The following RHEX variants were observed in gnomAD, a reference collection of about 807,000 sequenced individuals.
RHEX encodes regulator of hemoglobinization and erythroid cell expansion protein.
RHEX carries 18 observed loss-of-function variants against 20.1 expected under a neutral mutation model. That is an observed-to-expected ratio of 0.90 (90% CI 0.62 to 1.33). The LOEUF (loss-of-function observed/expected upper bound fraction) is 1.33, where lower values mean the gene tolerates loss of function less well. RHEX is among the 40% of genes most tolerant of loss of function. The pLI is 0.00. For missense variants in RHEX, 192 were observed against 214.3 expected (o/e 0.90, Z 0.65); for synonymous variants, 87 against 77.1 (o/e 1.13, Z -0.67).
intron 1 of RHEX, among the ~76,000 whole-genome samples, chr1:206,063,998 C>T (rs1370510818): frequency 6.6e-6 from 1 of 151,270 alleles, no homozygotes; most frequent in Non-Finnish European, 1.5e-5. Flanking sequence ...AGCGTCTCTG[C>T]CCGGCCGCCC....
chr1:206,066,106 C>T (rs782263635), intron 1 of RHEX, among the ~76,000 whole-genome samples: 15 of 152,244 alleles, frequency 9.9e-5, no homozygotes, highest in Non-Finnish European at 2.1e-4. Context: ...TCAGTGACTG[C>T]AGGCAGTGTT....
intron 1 of RHEX, among the ~76,000 whole-genome samples, chr1:206,096,693 A>G (rs1469187871): frequency 6.6e-6 from 1 of 151,706 alleles, no homozygotes; most frequent in Non-Finnish European, 1.5e-5. Flanking sequence ...CTTTATTGCA[A>G]TCATGCTTGT....
chr1:206,055,783 G>A (rs1394589420), intron 1 of RHEX, among the ~76,000 whole-genome samples: 2 of 152,278 alleles, frequency 1.3e-5, no homozygotes, highest in Non-Finnish European at 2.9e-5. Context: ...TACACTCTAT[G>A]TGTCAGAAAG....
chr1:206,074,719 C>G (rs1173913345), intron 1 of RHEX, among the ~76,000 whole-genome samples: 1 of 152,170 alleles, frequency 6.6e-6, no homozygotes, highest in Non-Finnish European at 1.5e-5. Flanking sequence ...TGAAATGCTC[C>G]AAAAGCTGGA....
chr1:206,084,788 G>A (rs1662806286), intron 1 of RHEX, among the ~76,000 whole-genome samples: 1 of 152,180 alleles, frequency 6.6e-6, no homozygotes, highest in Non-Finnish European at 1.5e-5. Flanking sequence ...ATTTAAAGAT[G>A]ACAGCCACAA....
intron 1 of RHEX, among the ~76,000 whole-genome samples, chr1:206,085,077 C>T (rs1415548344): frequency 6.6e-6 from 1 of 152,166 alleles, no homozygotes; most frequent in African/African-American, 2.4e-5. Context: ...CACCTTGCTG[C>T]CTCAGTTTCT....
rs782035298 is a variant in RHEX at position 206,098,178 on chromosome 1, A to T, written c.109A>T (p.Met37Leu). The T allele has an allele frequency of 1.2e-6, 2 of 1,607,184 alleles. No homozygotes were observed. The highest frequency in any genetic ancestry group is 1.7e-6 in the Non-Finnish European group (2 of 1,173,770). ...CATCAACTACCTGCTCAGCAGGCACATGGGTAACTGGCTCAGCATCCTCTT... is the reference window on the plus strand; with the variant it reads ...CATCAACTACCTGCTCAGCAGGCACTTGGGTAACTGGCTCAGCATCCTCTT... The part of the protein sequence containing the change: ...TAINYLLSRH[M>L]AHKSEQILKA... Residue 37 changes from methionine to leucine, a missense_variant, in exon 3 of 6, where the codon ATG (methionine) becomes TTG (leucine). Transcript: ENST00000331555.
intron 1 of RHEX, among the ~76,000 whole-genome samples, chr1:206,054,895 T>G (rs1448585386): frequency 1.3e-5 from 2 of 152,270 alleles, no homozygotes; most frequent in African/African-American, 4.8e-5. Context: ...AACATTCATT[T>G]TACTAGAGGA....
chr1:206,054,286 A>C (rs528159746), intron 1 of RHEX, among the ~76,000 whole-genome samples: 1 of 152,334 alleles, frequency 6.6e-6, no homozygotes, highest in South Asian at 2.1e-4. Flanking sequence ...AAAAGTCGTG[A>C]AAGAAAAAAT....
In RHEX at chr1:206,101,875, A is replaced by G; in HGVS notation, c.442A>G (p.Arg148Gly). ...AGATTATGTCAATGTCAATCCAGAA[A>G]GACACAAGCCCAGTTTCTGGTATTT... The part of the protein sequence containing the change: ...ITDYVNVNPE[R>G]HKPSFWYFVN... The change falls in exon 6 of 6, where the codon AGA becomes GGA. Residue 148 changes from arginine to glycine, a missense_variant. By Grantham distance (125) the Arg-to-Gly change is moderately radical. Transcript: ENST00000331555. 1 of 1,614,054 alleles carries G rather than the reference A, an allele frequency of 6.2e-7. No homozygotes were observed. Among genetic ancestry groups the G allele is most frequent in the Non-Finnish European group, 8.5e-7 (1 of 1,179,968 alleles).
intron 1 of RHEX, among the ~76,000 whole-genome samples, chr1:206,066,391 C>T (rs1407164677): frequency 2.0e-5 from 3 of 152,202 alleles, no homozygotes; most frequent in Admixed American, 6.5e-5. Context: ...CCGAGGCGGA[C>T]GGATCACTTG....
intron 1 of RHEX, among the ~76,000 whole-genome samples, chr1:206,078,144 A>G (rs1204240439): frequency 6.6e-6 from 1 of 152,230 alleles, no homozygotes; most frequent in African/African-American, 2.4e-5. Context: ...ATATCTCATT[A>G]TGTATATGAA....
chr1:206,064,891 A>G (rs1471484694), intron 1 of RHEX, among the ~76,000 whole-genome samples: 1 of 147,492 alleles, frequency 6.8e-6, no homozygotes, highest in Non-Finnish European at 1.5e-5. Flanking sequence ...TCTGTGTAGA[A>G]GGAGGTAGAC....
intron 3 of RHEX, among the ~76,000 whole-genome samples, chr1:206,099,423 G>A (rs28641568): frequency 0.18 from 27,481 of 151,670 alleles, 3,561 homozygotes; most frequent in African/African-American, 0.36. Flanking sequence ...GGTTCAAGCA[G>A]TTCTCTTGCC....
intron 1 of RHEX, among the ~76,000 whole-genome samples, chr1:206,097,051 A>C (rs73088157): frequency 0.031 from 4,772 of 152,254 alleles, 246 homozygotes; most frequent in African/African-American, 0.11. Flanking sequence ...CTGGGATTAC[A>C]GGGGCAAGCC....
chr1:206,061,555 T>G (rs1271732769), intron 1 of RHEX: 1 of 152,330 alleles, frequency 6.6e-6, no homozygotes, highest in African/African-American at 2.4e-5. Flanking sequence ...CAGCAAGAAC[T>G]CAGCATTCTA....
chr1:206,093,241 T>A (rs1320129866), intron 1 of RHEX, among the ~76,000 whole-genome samples: 2 of 152,200 alleles, frequency 1.3e-5, no homozygotes, highest in Non-Finnish European at 2.9e-5. Context: ...ACAATGTTGA[T>A]TATAATTACT....
At chr1:206,073,610 G>A (rs782633221) in intron 1 of RHEX, among the ~76,000 whole-genome samples, 4 of 151,986 alleles carry the variant, frequency 2.6e-5, no homozygotes, top group African/African-American at 4.8e-5. Context: ...ACTGGGCCCC[G>A]TGTTCTCAAA....
At chr1:206,073,003 A>G (rs1027213497) in intron 1 of RHEX, among the ~76,000 whole-genome samples, 2 of 151,708 alleles carry the variant, frequency 1.3e-5, no homozygotes, top group Non-Finnish European at 2.9e-5. Flanking sequence ...ATGGGCAGCT[A>G]AGTTTTGTAT....
Sources: gnomAD v4.1 joint callset for allele counts (sites outside exome capture counted in the v4.1 genomes callset) on GRCh38, gnomAD v4.1.1 for gene constraint, MANE v1.5 for transcripts, NCBI Gene and HGNC (gene_info 2026-07-23, HGNC 2026-07-21) for gene names.